The following PALM2AKAP2 variants were observed in gnomAD, a reference collection of about 807,000 sequenced individuals.
The protein encoded by PALM2AKAP2 is PALM2-AKAP2 fusion protein.
A neutral mutation model predicts 71.5 loss-of-function variants in PALM2AKAP2; 37 were observed. The ratio of observed to expected loss-of-function variants is 0.52; its 90% CI spans 0.40 to 0.68. The LOEUF (loss-of-function observed/expected upper bound fraction) is 0.68. Among genes scored for constraint, PALM2AKAP2 ranks in the 30% least tolerant of loss-of-function variants. The probability of loss-of-function intolerance (pLI) is 0.00; values close to 1 mark genes in which losing one functional copy is unlikely to be tolerated. For missense variants in PALM2AKAP2, 1,224 were observed against 1,191.8 expected (o/e 1.03, Z -0.40); for synonymous variants, 468 against 478.8 (o/e 0.98, Z 0.29).
intron 1 of PALM2AKAP2, among the ~76,000 whole-genome samples, chr9:109,718,965 G>A (rs1394548125): frequency 6.6e-6 from 1 of 151,984 alleles, no homozygotes; most frequent in Non-Finnish European, 1.5e-5. Context: ...TACTTCTAGA[G>A]TTGAAACAGA....
intron 2 of PALM2AKAP2, among the ~76,000 whole-genome samples, chr9:109,873,212 C>T (rs895176441): frequency 1.3e-5 from 2 of 152,130 alleles, no homozygotes; most frequent in Non-Finnish European, 2.9e-5. Context: ...CCTGTAATCC[C>T]AACACTTTGG....
rs763145652 is a variant in PALM2AKAP2, at chr9:110,136,092, ATTT to A, written c.157-34_157-32del. 54 of 1,532,972 alleles carry A rather than the reference ATTT, an allele frequency of 3.5e-5. No individual in the cohort carries two copies. The East Asian group carries it at 1.2e-3, about 35-fold the overall frequency. 95.0% of individuals were successfully genotyped at this position (1,532,972 alleles called of 1,614,324 possible). A position where few individuals can be genotyped will look rare whatever the true frequency, so the allele number is the denominator to read the frequency against. On this transcript the variant is annotated intron_variant, in intron 1 of 3. Transcript: ENST00000374525. ...CATTCACATCCATAAGAGATGCAGT[ATTT>A]AACCCTGACTTTTGTTTACTCTTTA...
At chr9:109,871,671 C>A (rs1227958239) in intron 2 of PALM2AKAP2, among the ~76,000 whole-genome samples, 1 of 152,110 alleles carries the variant, frequency 6.6e-6, no homozygotes, top group African/African-American at 2.4e-5. Flanking sequence ...ACAGGGCTCA[C>A]CAACCTGTGG....
intron 1 of PALM2AKAP2, among the ~76,000 whole-genome samples, chr9:109,659,335 C>T (rs1360137861): frequency 1.3e-5 from 2 of 152,142 alleles, no homozygotes; most frequent in African/African-American, 4.8e-5. Flanking sequence ...GCCATGTTGC[C>T]CAGGCATCCT....
intron 1 of PALM2AKAP2, chr9:109,862,801 A>T (rs750819586): frequency 2.7e-4 from 123 of 460,576 alleles, no homozygotes; most frequent in Non-Finnish European, 4.7e-4. Context: ...GCCATCATAG[A>T]TGAATTGTTT....
At chr9:109,791,765 A>G (rs945798817) in intron 1 of PALM2AKAP2, among the ~76,000 whole-genome samples, 4 of 152,204 alleles carry the variant, frequency 2.6e-5, no homozygotes, top group Admixed American at 1.3e-4. Context: ...CTCAACTCCA[A>G]CTGATGGGCA....
At chr9:110,161,416 A>T (rs1040101382) in intron 3 of PALM2AKAP2, among the ~76,000 whole-genome samples, 2 of 152,146 alleles carry the variant, frequency 1.3e-5, no homozygotes, top group Non-Finnish European at 2.9e-5. Context: ...CTGTACTTTG[A>T]GTAAGACTTT....
intron 1 of PALM2AKAP2, among the ~76,000 whole-genome samples, chr9:109,754,893 T>C (rs536711815): frequency 3.5e-4 from 54 of 152,182 alleles, no homozygotes; most frequent in African/African-American, 1.2e-3. Flanking sequence ...ATTCAGGCCA[T>C]AGCACCATCC....
chr9:109,825,046 T>C (rs1828108956), intron 1 of PALM2AKAP2, among the ~76,000 whole-genome samples: 1 of 152,204 alleles, frequency 6.6e-6, no homozygotes, highest in Non-Finnish European at 1.5e-5. Flanking sequence ...TGTAGCTGAA[T>C]TAGTACACAT....
At chr9:110,117,099 G>GT (rs1835380491) in intron 1 of PALM2AKAP2, among the ~76,000 whole-genome samples, 2 of 151,928 alleles carry the variant, frequency 1.3e-5, no homozygotes. Context: ...ATCTTTGTTT[G>GT]TTTTTGTTTT....
chr9:110,084,505 G>C lies in PALM2AKAP2; in HGVS notation c.156+35650G>C, dbSNP rs574645338. Among the ~76,000 whole-genome samples, 17 of 152,200 alleles carry C rather than the reference G, an allele frequency of 1.1e-4. No homozygotes were observed. In the East Asian group the frequency reaches 1.5e-3, roughly 14 times the overall value. Reference sequence around the variant, plus strand: ...ACCAAGGATATCCTTGGTAACTATGGGGGGGTTGGTTCCAGGAGCTTCCTC... The same window carrying C: ...ACCAAGGATATCCTTGGTAACTATGCGGGGGTTGGTTCCAGGAGCTTCCTC... On this transcript the variant is annotated intron_variant, in intron 1 of 3. Transcript: ENST00000374525.
intron 1 of PALM2AKAP2, 150 bp downstream of exon 1, chr9:109,780,683 T>G (rs1829429490): frequency 4.2e-6 from 5 of 1,178,760 alleles, no homozygotes; most frequent in Non-Finnish European, 6.1e-6. Flanking sequence ...CTAGGCTGCC[T>G]TTTCTTTTCT....
intron 1 of PALM2AKAP2, among the ~76,000 whole-genome samples, chr9:109,724,771 G>T (rs1828452621): frequency 6.6e-6 from 1 of 152,288 alleles, no homozygotes; most frequent in African/African-American, 2.4e-5. Flanking sequence ...GCTGGTGAGT[G>T]ACATCCAGGC....
At chr9:109,708,421 A>G (rs1828176207) in intron 1 of PALM2AKAP2, among the ~76,000 whole-genome samples, 1 of 152,236 alleles carries the variant, frequency 6.6e-6, no homozygotes, top group Non-Finnish European at 1.5e-5. Context: ...AAATTCTATG[A>G]CAATGATGAT....
chr9:109,770,263 G>GA (rs1301954159), intron 1 of PALM2AKAP2, among the ~76,000 whole-genome samples: 2 of 152,008 alleles, frequency 1.3e-5, no homozygotes, highest in Non-Finnish European at 2.9e-5. Context: ...ACCCAGAGCA[G>GA]ATTTTTTTTT....
At chr9:109,908,981 C>T (rs1388563421) in intron 3 of PALM2AKAP2, among the ~76,000 whole-genome samples, 3 of 152,208 alleles carry the variant, frequency 2.0e-5, no homozygotes, top group African/African-American at 7.2e-5. Flanking sequence ...CAGATGCTTC[C>T]TGCATGAAGG....
At chr9:109,922,012 G>A (rs182505911) in intron 3 of PALM2AKAP2, among the ~76,000 whole-genome samples, 1 of 152,196 alleles carries the variant, frequency 6.6e-6, no homozygotes, top group Admixed American at 6.5e-5. Context: ...ACAGTATGTC[G>A]CTAAATAAAT....
chr9:109,963,667 C>G (rs556488345), intron 6 of PALM2AKAP2, among the ~76,000 whole-genome samples: 1 of 152,192 alleles, frequency 6.6e-6, no homozygotes, highest in Admixed American at 6.5e-5. Flanking sequence ...GTCTTTGGGC[C>G]AAGGTGACTT....
At chr9:109,963,589 G>C (rs1189735461) in intron 6 of PALM2AKAP2, among the ~76,000 whole-genome samples, 1 of 152,176 alleles carries the variant, frequency 6.6e-6, no homozygotes, top group Non-Finnish European at 1.5e-5. Context: ...AGCAAGCACA[G>C]CCCCCATACT....
Sources: gnomAD v4.1 joint callset for allele counts (sites outside exome capture counted in the v4.1 genomes callset) on GRCh38, gnomAD v4.1.1 for gene constraint, MANE v1.5 for transcripts, NCBI Gene and HGNC (gene_info 2026-07-23, HGNC 2026-07-21) for gene names.